Variants in OFD1 observed in about 807,000 individuals in gnomAD.
OFD1 encodes centriole and centriolar satellite protein OFD1.
OFD1 carries 12 observed loss-of-function variants against 81.4 expected under a neutral mutation model. The ratio of observed to expected loss-of-function variants is 0.15; its 90% CI spans 0.09 to 0.24. OFD1 has a LOEUF of 0.24. OFD1 is among the 10% of genes least tolerant of loss of function. The probability of loss-of-function intolerance (pLI) is 1.00; values close to 1 mark genes in which losing one functional copy is unlikely to be tolerated. For synonymous variants in OFD1, 256 were observed against 263.7 expected (o/e 0.97, Z 0.28); for missense variants, 685 against 733.9 (o/e 0.93, Z 0.77).
the OFD1 span, chrX:13,716,611 C>T: frequency 8.3e-7 from 1 of 1,211,230 alleles, no homozygotes; most frequent in Non-Finnish European, 1.1e-6. Flanking sequence ...GTTCGATAGC[C>T]ACATGTTCTC....
chrX:13,757,531 TATC>T (rs2047754773), intron 13 of OFD1, 126 bp from the exon 14 acceptor site: 1 of 677,879 alleles, frequency 1.5e-6, no homozygotes, highest in Non-Finnish European at 2.2e-6. Context: ...ATAGAATTAT[TATC>T]ATATTTATTG....
the OFD1 span, among the ~76,000 whole-genome samples, chrX:13,727,053 C>T: frequency 8.9e-6 from 1 of 112,116 alleles, no homozygotes; most frequent in Non-Finnish European, 1.9e-5. Flanking sequence ...ACAAGAAGAG[C>T]TAACTATCCT....
intron 5 of OFD1, among the ~76,000 whole-genome samples, chrX:13,742,649 G>T (rs151183704): frequency 0.011 from 1,193 of 110,983 alleles, 20 homozygotes; most frequent in African/African-American, 0.037. Flanking sequence ...TCAGCCTCCT[G>T]AGTAGCTGGA....
At chrX:13,763,353 T>G (rs1214582019) in intron 18 of OFD1, among the ~76,000 whole-genome samples, 1 of 112,601 alleles carries the variant, frequency 8.9e-6, no homozygotes, top group Non-Finnish European at 1.9e-5. Context: ...TCTGAAAGTG[T>G]TAATATTTTG....
chrX:13,727,116 A>G, the OFD1 span, among the ~76,000 whole-genome samples: 1 of 112,090 alleles, frequency 8.9e-6, no homozygotes, highest in South Asian at 3.7e-4. Context: ...GCAAGTCCTT[A>G]GAGACCTACA....
chrX:13,754,199 T>C (rs2047613556), intron 11 of OFD1, among the ~76,000 whole-genome samples: 1 of 111,093 alleles, frequency 9.0e-6, no homozygotes, highest in Non-Finnish European at 1.9e-5. Context: ...GCCAGGATGA[T>C]CTCGATCTCC....
chrX:13,722,253 G>GGAAA, the OFD1 span: 1 of 73,433 alleles, frequency 1.4e-5, no homozygotes, highest in Admixed American at 1.4e-4. Context: ...AGCAGCAGAA[G>GGAAA]GAAATATATG....
chrX:13,752,948 G>A, intron 10 of OFD1: 1 of 904,152 alleles, frequency 1.1e-6, no homozygotes, highest in Admixed American at 4.9e-5. Context: ...GAGCACAAAA[G>A]TTCTTACCTT....
At chrX:13,745,075 A>C (rs1243583676) in intron 6 of OFD1, among the ~76,000 whole-genome samples, 6 of 111,964 alleles carry the variant, frequency 5.4e-5, no homozygotes, top group African/African-American at 1.9e-4. Flanking sequence ...CTCAGTAGAG[A>C]TGGGAAATAG....
intron 12 of OFD1, among the ~76,000 whole-genome samples, chrX:13,755,968 T>G (rs866894588): frequency 1.3e-4 from 13 of 96,932 alleles, no homozygotes; most frequent in African/African-American, 5.4e-4. Flanking sequence ...TTTTTTTTTT[T>G]GAGACAGAGT....
intron 7 of OFD1, 94 bp from the exon 8 acceptor site, chrX:13,746,686 G>A (rs2047311333): frequency 5.7e-6 from 4 of 705,350 alleles, no homozygotes; most frequent in Admixed American, 6.3e-5. Context: ...TTTGGACAGA[G>A]CATTAATGTT....
At chrX:13,773,304 A>T, downstream of OFD1, 1 of 182,933 alleles carries the variant, frequency 5.5e-6, no homozygotes, top group African/African-American at 4.0e-5. Flanking sequence ...GAAATACGAG[A>T]GGGTGCTTTT....
the OFD1 span, chrX:13,722,208 C>CCAAAAAAAAAAAAAAAAAAAAAAAA: frequency 5.5e-5 from 2 of 36,116 alleles, no homozygotes; most frequent in African/African-American, 2.4e-4. Context: ...TAAGCAGCAG[C>CCAAAAAAAAAAAAAAAAAAAAAAAA]AAAAAAAAAA....
At chrX:13,738,441 A>G (rs2046960167) in intron 3 of OFD1, among the ~76,000 whole-genome samples, 1 of 112,525 alleles carries the variant, frequency 8.9e-6, no homozygotes, top group African/African-American at 3.2e-5. Flanking sequence ...GTACACTTTA[A>G]TTACGGTTTT....
chrX:13,743,401 T>C (rs767109668), intron 5 of OFD1, among the ~76,000 whole-genome samples: 16 of 112,807 alleles, frequency 1.4e-4, no homozygotes, highest in African/African-American at 5.2e-4. Context: ...TTTTATTGTT[T>C]GCTTTTTGCC....
Position 13,744,525 on chromosome X carries a change from T to G in OFD1, c.517+6T>G. 4.0e-6 allele frequency: 4 copies of G among 995,945 alleles called. No homozygotes were observed. The highest frequency in any genetic ancestry group is 1.9e-5 in the African/African-American group (1 of 53,890). 82.1% of individuals were successfully genotyped at this position (995,945 alleles called of 1,213,427 possible). On this transcript the variant is annotated splice_donor_region_variant and intron_variant, in intron 6 of 22. Coordinates refer to ENST00000340096, the MANE Select transcript of OFD1 (RefSeq NM_003611.3). ...ATTTAACAGAGATTCTCTGGGTAATTATAGCCTTCTTTCTTAATTTCAGTT... is the reference window on the plus strand; with the variant it reads ...ATTTAACAGAGATTCTCTGGGTAATGATAGCCTTCTTTCTTAATTTCAGTT...
the OFD1 span, among the ~76,000 whole-genome samples, chrX:13,724,830 G>C: frequency 1.8e-5 from 2 of 112,620 alleles, no homozygotes; most frequent in African/African-American, 6.4e-5. Flanking sequence ...GGGGTCGGGG[G>C]ATTTCCCTCT....
chrX:13,734,628 TG>T (rs752129553), upstream of OFD1: 202 of 838,012 alleles, frequency 2.4e-4, no homozygotes, highest in Non-Finnish European at 2.8e-4. Flanking sequence ...CGCGATACCC[TG>T]GGATGTGCTC....
At chrX:13,736,060 A>G (rs1487016944) in intron 2 of OFD1, 3 of 627,611 alleles carry the variant, frequency 4.8e-6, no homozygotes, top group Admixed American at 7.0e-5. Flanking sequence ...TTTGTAATGT[A>G]TATAGCAGTC....
Sources: gnomAD v4.1 joint callset for allele counts (sites outside exome capture counted in the v4.1 genomes callset) on GRCh38, gnomAD v4.1.1 for gene constraint, MANE v1.5 for transcripts, NCBI Gene and HGNC (gene_info 2026-07-23, HGNC 2026-07-21) for gene names.